Variants in SPMIP10 observed in about 807,000 individuals in gnomAD.
The protein encoded by SPMIP10 is sperm-associated microtubule inner protein 10.
the SPMIP10 span, chr5:126,636,239 T>G: frequency 9.4e-5 from 151 of 1,609,180 alleles, no homozygotes; most frequent in Admixed American, 2.5e-4. Flanking sequence ...GCGACTAGTC[T>G]AATGAAAGAA....
At chr5:126,635,654 T>C in the SPMIP10 span, among the ~76,000 whole-genome samples, 2 of 152,258 alleles carry the variant, frequency 1.3e-5, no homozygotes, top group African/African-American at 2.4e-5. Context: ...TCAACAAGGA[T>C]AGTTAGAAAA....
chr5:126,631,897 C>T, the SPMIP10 span: 2 of 873,956 alleles, frequency 2.3e-6, no homozygotes, highest in South Asian at 1.4e-5. Context: ...CGGTCAATAA[C>T]TTTGTGTTCC....
chr5:126,632,716 G>A, the SPMIP10 span: 60 of 976,922 alleles, frequency 6.1e-5, 2 homozygotes, highest in Middle Eastern at 2.5e-3. Context: ...AGCCGGATGC[G>A]GTGACTTGTG....
the SPMIP10 span, among the ~76,000 whole-genome samples, chr5:126,633,654 C>T: frequency 2.6e-5 from 4 of 152,084 alleles, no homozygotes; most frequent in South Asian, 2.1e-4. Flanking sequence ...GCCACCACAC[C>T]GGGCCTACTT....
the SPMIP10 span, among the ~76,000 whole-genome samples, chr5:126,633,731 G>A: frequency 6.6e-6 from 1 of 152,126 alleles, no homozygotes; most frequent in Non-Finnish European, 1.5e-5. Context: ...TGCAATCATG[G>A]CTCACTGCAG....
chr5:126,631,832 T>G, the SPMIP10 span: 1 of 1,563,914 alleles, frequency 6.4e-7, no homozygotes, highest in Middle Eastern at 1.7e-4. Flanking sequence ...TAAGGATTTA[T>G]GGGATTCTGG....
the SPMIP10 span, chr5:126,632,565 C>T: frequency 6.2e-7 from 1 of 1,605,356 alleles, no homozygotes; most frequent in Non-Finnish European, 8.5e-7. Flanking sequence ...GATTCATTTG[C>T]CACGATTTTC....
At chr5:126,635,134 C>A in the SPMIP10 span, among the ~76,000 whole-genome samples, 1 of 150,500 alleles carries the variant, frequency 6.6e-6, no homozygotes, top group Non-Finnish European at 1.5e-5. Context: ...CACCACTGCA[C>A]TCCAGCCTGG....
At chr5:126,633,034 A>ATATATATATATATATATATATAT in the SPMIP10 span, among the ~76,000 whole-genome samples, 2 of 108,300 alleles carry the variant, frequency 1.8e-5, no homozygotes, top group Admixed American at 8.4e-5. Flanking sequence ...TATATATATA[A>ATATATATATATATATATATATAT]TTTAGTATGT....
chr5:126,632,561 T>C, the SPMIP10 span: 4 of 1,601,956 alleles, frequency 2.5e-6, no homozygotes, highest in Non-Finnish European at 3.4e-6. Context: ...AAGAGATTCA[T>C]TTGCCACGAT....
the SPMIP10 span, chr5:126,632,617 G>C: frequency 6.2e-7 from 1 of 1,610,644 alleles, no homozygotes; most frequent in Non-Finnish European, 8.5e-7. Context: ...GTCATGCCTT[G>C]GAAAGAAAAC....
chr5:126,632,977 ACT>A, the SPMIP10 span, among the ~76,000 whole-genome samples: 3 of 142,798 alleles, frequency 2.1e-5, no homozygotes, highest in African/African-American at 8.5e-5. Flanking sequence ...ACAGAGCTAG[ACT>A]CTGTCTCTAA....
chr5:126,633,008 C>CATATACATATATATAT, the SPMIP10 span, among the ~76,000 whole-genome samples: 10 of 125,334 alleles, frequency 8.0e-5, no homozygotes, highest in Admixed American at 3.8e-4. Context: ...ATAAATTTTA[C>CATATACATATATATAT]ATATATATAT....
At chr5:126,631,722 A>G in the SPMIP10 span, 2 of 1,575,812 alleles carry the variant, frequency 1.3e-6, no homozygotes, top group East Asian at 2.2e-5. Context: ...TATTCCATCC[A>G]TTGCTGTCAG....
the SPMIP10 span, chr5:126,632,564 G>GCA: frequency 6.2e-7 from 1 of 1,604,358 alleles, no homozygotes; most frequent in Admixed American, 1.7e-5. Flanking sequence ...AGATTCATTT[G>GCA]CCACGATTTT....
the SPMIP10 span, chr5:126,636,244 AAAG>A: frequency 1.9e-6 from 3 of 1,605,094 alleles, no homozygotes; most frequent in Non-Finnish European, 2.6e-6. Context: ...TAGTCTAATG[AAAG>A]AAGAATAAAA....
the SPMIP10 span, chr5:126,636,275 C>A: frequency 6.6e-7 from 1 of 1,519,116 alleles, no homozygotes; most frequent in Non-Finnish European, 9.1e-7. Flanking sequence ...GTGTTTCAAT[C>A]TCTGCTCTCT....
At chr5:126,636,081 T>G in the SPMIP10 span, 1 of 1,614,108 alleles carries the variant, frequency 6.2e-7, no homozygotes, top group Non-Finnish European at 8.5e-7. Context: ...GACTCTCTGT[T>G]TTTGAATCAC....
the SPMIP10 span, chr5:126,631,900 T>G: frequency 2.3e-6 from 2 of 861,260 alleles, no homozygotes; most frequent in Non-Finnish European, 3.9e-6. Context: ...TCAATAACTT[T>G]GTGTTCCCCT....
Sources: gnomAD v4.1 joint callset for allele counts (sites outside exome capture counted in the v4.1 genomes callset) on GRCh38, gnomAD v4.1.1 for gene constraint, MANE v1.5 for transcripts, NCBI Gene and HGNC (gene_info 2026-07-23, HGNC 2026-07-21) for gene names.